GPC6: variants seen among roughly 807,000 people sequenced by gnomAD.
GPC6 encodes the protein glypican-6.
A neutral mutation model predicts 55.2 loss-of-function variants in GPC6; 14 were observed. That is an observed-to-expected ratio of 0.25 (90% CI 0.17 to 0.40). GPC6 has a LOEUF of 0.40. Among genes scored for constraint, GPC6 ranks in the 10% least tolerant of loss-of-function variants. The probability of loss-of-function intolerance (pLI) is 1.00; values close to 1 mark genes in which losing one functional copy is unlikely to be tolerated. For synonymous variants in GPC6, 278 were observed against 259.6 expected (o/e 1.07, Z -0.68); for missense variants, 641 against 708.5 (o/e 0.90, Z 1.08).
intron 4 of GPC6, among the ~76,000 whole-genome samples, chr13:94,216,263 G>T (rs962147517): frequency 2.0e-5 from 3 of 152,122 alleles, no homozygotes; most frequent in African/African-American, 7.2e-5. Context: ...CTGTGACATG[G>T]TTATTATTTT....
intron 2 of GPC6, among the ~76,000 whole-genome samples, chr13:93,808,955 A>T (rs1051373046): frequency 2.0e-5 from 3 of 152,222 alleles, no homozygotes; most frequent in Non-Finnish European, 4.4e-5. Context: ...GCTCCATCAG[A>T]GAAGTGCCTG....
At chr13:94,200,389 T>C (rs1889714034) in intron 4 of GPC6, among the ~76,000 whole-genome samples, 1 of 152,198 alleles carries the variant, frequency 6.6e-6, no homozygotes, top group African/African-American at 2.4e-5. Flanking sequence ...TAACAAAGAA[T>C]TATTTTCAAA....
intron 3 of GPC6, among the ~76,000 whole-genome samples, chr13:93,924,497 G>A (rs1368945716): frequency 1.3e-5 from 2 of 152,188 alleles, no homozygotes. Flanking sequence ...GGGAAAAAAA[G>A]CATTATTGTA....
chr13:94,359,312 A>G (rs1022057339), intron 6 of GPC6, among the ~76,000 whole-genome samples: 1 of 152,254 alleles, frequency 6.6e-6, no homozygotes, highest in African/African-American at 2.4e-5. Flanking sequence ...TATACTAAAA[A>G]GAATAATAAA....
intron 2 of GPC6, among the ~76,000 whole-genome samples, chr13:93,549,630 T>G (rs1326534308): frequency 6.6e-6 from 1 of 152,132 alleles, no homozygotes; most frequent in African/African-American, 2.4e-5. Flanking sequence ...GCTTTCCAGT[T>G]CCCAGATGTG....
At chr13:93,240,909 G>A (rs1024730685) in intron 1 of GPC6, among the ~76,000 whole-genome samples, 1 of 152,032 alleles carries the variant, frequency 6.6e-6, no homozygotes. Flanking sequence ...ACTAAGTTTT[G>A]CACCATACAA....
In GPC6 at chr13:94,403,271, C is replaced by A; in HGVS notation, c.*54C>A. The A allele has an allele frequency of 2.4e-6, 3 of 1,229,756 alleles. No individual in the cohort carries two copies. Among genetic ancestry groups the A allele is most frequent in the Non-Finnish European group, 3.6e-6 (3 of 841,224 alleles). The allele number at this position is 1,229,756 out of a possible 1,614,324, so 76.2% of individuals were successfully genotyped here. On this transcript the variant is annotated 3_prime_UTR_variant, in exon 9 of 9. Transcript: ENST00000377047. ...ATTTTAGCTATCTGAATGGCCAACT[C>A]ACTTCTTTTCTTACACTCTTGGACA... is the stretch of plus-strand genomic sequence containing the variant.
At chr13:93,646,323 T>C (rs778596675) in intron 2 of GPC6, among the ~76,000 whole-genome samples, 1 of 152,150 alleles carries the variant, frequency 6.6e-6, no homozygotes, top group Non-Finnish European at 1.5e-5. Flanking sequence ...TCTGTTTTTT[T>C]CATTATAAAG....
At chr13:94,159,113 A>AT (rs1888067441) in intron 4 of GPC6, among the ~76,000 whole-genome samples, 2 of 152,116 alleles carry the variant, frequency 1.3e-5, no homozygotes, top group Non-Finnish European at 2.9e-5. Context: ...GAAACAAATT[A>AT]TAAGTGTCTG....
At chr13:94,022,086 C>T (rs892799704) in intron 3 of GPC6, among the ~76,000 whole-genome samples, 4 of 152,032 alleles carry the variant, frequency 2.6e-5, no homozygotes, top group Admixed American at 6.6e-5. Flanking sequence ...CACCCATCCC[C>T]TCTCAGAGAA....
chr13:94,135,158 A>T (rs1309971169), intron 4 of GPC6, among the ~76,000 whole-genome samples: 2 of 151,894 alleles, frequency 1.3e-5, no homozygotes, highest in African/African-American at 4.8e-5. Flanking sequence ...ATCACAGGAC[A>T]CCTACAAAAT....
At chr13:94,171,034 T>C (rs946731267) in intron 4 of GPC6, among the ~76,000 whole-genome samples, 1 of 152,218 alleles carries the variant, frequency 6.6e-6, no homozygotes, top group Non-Finnish European at 1.5e-5. Context: ...TAAGTGTGCC[T>C]TTTTAATTTA....
intron 3 of GPC6, among the ~76,000 whole-genome samples, chr13:93,891,482 A>G (rs1437149819): frequency 6.6e-6 from 1 of 152,108 alleles, no homozygotes; most frequent in Non-Finnish European, 1.5e-5. Context: ...AGATTTGCTC[A>G]ATCAAGTCCC....
intron 3 of GPC6, among the ~76,000 whole-genome samples, chr13:93,845,492 C>G (rs1445952653): frequency 2.2e-5 from 3 of 139,062 alleles, no homozygotes; most frequent in Non-Finnish European, 4.5e-5. Context: ...GGTATATACC[C>G]AAAGGACTAT....
At chr13:93,819,860 A>G (rs148602230) in intron 2 of GPC6, among the ~76,000 whole-genome samples, 1 of 152,328 alleles carries the variant, frequency 6.6e-6, no homozygotes. Flanking sequence ...CCTACCAAGA[A>G]ATAAAACATT....
intron 3 of GPC6, among the ~76,000 whole-genome samples, chr13:93,885,095 C>G (rs775310314): frequency 2.6e-5 from 4 of 151,856 alleles, no homozygotes; most frequent in East Asian, 1.9e-4. Context: ...GAGTATATAC[C>G]CTAATGAGGA....
intron 2 of GPC6, among the ~76,000 whole-genome samples, chr13:93,714,162 G>C (rs1057081208): frequency 6.6e-6 from 1 of 151,816 alleles, no homozygotes; most frequent in Non-Finnish European, 1.5e-5. Flanking sequence ...CCAACAGAAT[G>C]GGAGAAAATA....
At chr13:93,579,914 G>T (rs546804755) in intron 2 of GPC6, among the ~76,000 whole-genome samples, 6 of 152,132 alleles carry the variant, frequency 3.9e-5, no homozygotes, top group African/African-American at 1.4e-4. Context: ...AAAAAGCTTT[G>T]CCCAAAAATA....
In GPC6 at chr13:93,551,296, A is replaced by C. The variant is rs142991305; in HGVS notation, c.319+5875A>C. ...GTTTTATTCCTTGCACCAGCCCTTTACTGTTTTCTAACAAAAAAAAAAAAA... is the reference window on the plus strand; with the variant it reads ...GTTTTATTCCTTGCACCAGCCCTTTCCTGTTTTCTAACAAAAAAAAAAAAA... On this transcript the variant is annotated intron_variant, in intron 2 of 8. Coordinates refer to ENST00000377047, the MANE Select transcript of GPC6 (RefSeq NM_005708.5). Among the ~76,000 whole-genome samples the C allele has an allele frequency of 3.1e-5, 3 of 96,026 alleles. No individual in the cohort carries two copies. In the East Asian group the frequency reaches 6.7e-4, roughly 22 times the overall value. The allele number at this position is 96,026 out of a possible 152,430, so 63.0% of individuals were successfully genotyped here.
Sources: gnomAD v4.1 joint callset for allele counts (sites outside exome capture counted in the v4.1 genomes callset) on GRCh38, gnomAD v4.1.1 for gene constraint, MANE v1.5 for transcripts, NCBI Gene and HGNC (gene_info 2026-07-23, HGNC 2026-07-21) for gene names.